Variants in TNFSF4 observed in about 807,000 individuals in gnomAD.
TNFSF4 encodes the protein tumor necrosis factor ligand superfamily member 4.
Under a neutral mutation model 7.3 loss-of-function variants are expected in TNFSF4, and 4 were observed. That is an observed-to-expected ratio of 0.55 (90% CI 0.27 to 1.25). TNFSF4 has a LOEUF of 1.25. Ranked by LOEUF, TNFSF4 falls within the 50% of genes most tolerant of loss-of-function variation. The probability of loss-of-function intolerance (pLI) is 0.12; values close to 1 mark genes in which losing one functional copy is unlikely to be tolerated. For synonymous variants in TNFSF4, 76 were observed against 83.7 expected (o/e 0.91, Z 0.50); for missense variants, 181 against 208.8 (o/e 0.87, Z 0.82).
the TNFSF4 span, among the ~76,000 whole-genome samples, chr1:173,359,510 T>TAAAAAAAAAAAAAAAAA: frequency 8.1e-6 from 1 of 122,748 alleles, no homozygotes; most frequent in African/African-American, 3.2e-5. Flanking sequence ...TTACCAGCTG[T>TAAAAAAAAAAAAAAAAA]AAAAAAAAAA....
chr1:173,173,097 A>C, the TNFSF4 span, among the ~76,000 whole-genome samples: 1 of 152,160 alleles, frequency 6.6e-6, no homozygotes, highest in Non-Finnish European at 1.5e-5. Flanking sequence ...CCATGATCTA[A>C]TCACCTCCCA....
chr1:173,318,029 T>C, the TNFSF4 span, among the ~76,000 whole-genome samples: 1 of 152,128 alleles, frequency 6.6e-6, no homozygotes, highest in Non-Finnish European at 1.5e-5. Flanking sequence ...GGATCACAAA[T>C]CACTGAGAAA....
At chr1:173,390,291 G>C in the TNFSF4 span, among the ~76,000 whole-genome samples, 3 of 152,142 alleles carry the variant, frequency 2.0e-5, no homozygotes, top group African/African-American at 4.8e-5. Context: ...TGCTGCCTTT[G>C]TAGGTCTCTA....
the TNFSF4 span, among the ~76,000 whole-genome samples, chr1:173,433,813 C>CT: frequency 6.6e-6 from 1 of 152,216 alleles, no homozygotes; most frequent in African/African-American, 2.4e-5. Context: ...GAAGTCCTAT[C>CT]TCCCCAGTAC....
the TNFSF4 span, among the ~76,000 whole-genome samples, chr1:173,394,096 T>A: frequency 6.6e-6 from 1 of 151,966 alleles, no homozygotes; most frequent in Admixed American, 6.6e-5. Context: ...AAGCAAAAAA[T>A]TTAAATCCAG....
chr1:173,257,456 G>A, the TNFSF4 span, among the ~76,000 whole-genome samples: 10 of 152,290 alleles, frequency 6.6e-5, no homozygotes, highest in Non-Finnish European at 1.5e-4. Context: ...CACTTCAGGC[G>A]CCAGCTGCAA....
chr1:173,236,416 CAAA>C, the TNFSF4 span, among the ~76,000 whole-genome samples: 1 of 110,100 alleles, frequency 9.1e-6, no homozygotes, highest in African/African-American at 3.2e-5. Context: ...CCAGTTATTT[CAAA>C]AAAAAAAAAA....
At chr1:173,379,636 T>C in the TNFSF4 span, among the ~76,000 whole-genome samples, 2 of 152,108 alleles carry the variant, frequency 1.3e-5, no homozygotes, top group African/African-American at 4.8e-5. Flanking sequence ...CCTGGCAACC[T>C]CAGTGTTCTG....
the TNFSF4 span, among the ~76,000 whole-genome samples, chr1:173,309,383 T>A: frequency 2.6e-5 from 4 of 151,930 alleles, no homozygotes; most frequent in Admixed American, 2.6e-4. Flanking sequence ...GTAAGAAATA[T>A]CCTTTCATAG....
chr1:173,221,971 G>C, the TNFSF4 span, among the ~76,000 whole-genome samples: 3 of 152,124 alleles, frequency 2.0e-5, no homozygotes, highest in African/African-American at 2.4e-5. Flanking sequence ...TTTATGTAAG[G>C]GTTAAGTGAG....
chr1:173,201,013 G>T (rs10489267), intron 1 of TNFSF4, among the ~76,000 whole-genome samples: 15,893 of 152,210 alleles, frequency 0.1, 993 homozygotes, highest in African/African-American at 0.16. Flanking sequence ...GTTATGCCAG[G>T]AATATTCCCC....
chr1:173,428,520 ATTTT>A, the TNFSF4 span, among the ~76,000 whole-genome samples: 4 of 152,204 alleles, frequency 2.6e-5, no homozygotes, highest in Middle Eastern at 3.2e-3. Context: ...TGTGCAGCTG[ATTTT>A]TATCTTAATT....
At chr1:173,378,436 A>G in the TNFSF4 span, among the ~76,000 whole-genome samples, 1 of 152,198 alleles carries the variant, frequency 6.6e-6, no homozygotes, top group South Asian at 2.1e-4. Flanking sequence ...TGTCTTTCAG[A>G]TGGGAAACAC....
At chr1:173,199,106 C>G (rs1238673760) in intron 1 of TNFSF4, among the ~76,000 whole-genome samples, 1 of 152,168 alleles carries the variant, frequency 6.6e-6, no homozygotes. Flanking sequence ...TTATCCAGTG[C>G]TTATCATACG....
At chr1:173,420,741 C>T in the TNFSF4 span, among the ~76,000 whole-genome samples, 2 of 152,006 alleles carry the variant, frequency 1.3e-5, no homozygotes, top group African/African-American at 4.8e-5. Flanking sequence ...TAAAGAAAAC[C>T]TCCCAAGTTG....
the TNFSF4 span, among the ~76,000 whole-genome samples, chr1:173,416,511 C>T: frequency 6.6e-6 from 1 of 152,126 alleles, no homozygotes; most frequent in African/African-American, 2.4e-5. Context: ...CCAACAGGGC[C>T]CAAGGGTCTC....
chr1:173,342,916 C>G, the TNFSF4 span, among the ~76,000 whole-genome samples: 1 of 152,170 alleles, frequency 6.6e-6, no homozygotes, highest in Non-Finnish European at 1.5e-5. Flanking sequence ...TAGTCATTAC[C>G]ACCATCAACA....
At position 173,186,683 on chromosome 1, in the gene TNFSF4, G is replaced by C. The variant is rs566629355; in HGVS notation, c.385C>G (p.Leu129Val). 1.5e-5 allele frequency: 24 copies of C among 1,614,204 alleles called. No individual in the cohort carries two copies. Among genetic ancestry groups the C allele is most frequent in the Non-Finnish European group, 1.9e-5 (23 of 1,180,032 alleles). The change falls in exon 3 of 3, where the codon CTG becomes GTG. Residue 129 changes from leucine to valine, a missense_variant. Coordinates refer to ENST00000281834, the MANE Select transcript of TNFSF4 (RefSeq NM_003326.5). ...GAGTTGACAGACCTGACCTTCTTCA[G>C]TTGGAAGAGGGGCTCCTCATCCTTC... is the stretch of plus-strand genomic sequence containing the variant. ...YQKDEEPLFQ[L>V]KKVRSVNSLM... is the part of the protein sequence containing the mutation.
At chr1:173,410,967 G>C in the TNFSF4 span, among the ~76,000 whole-genome samples, 1 of 152,184 alleles carries the variant, frequency 6.6e-6, no homozygotes, top group South Asian at 2.1e-4. Flanking sequence ...AGTCCTTAAT[G>C]TGTGGTTTTC....
Sources: gnomAD v4.1 joint callset for allele counts (sites outside exome capture counted in the v4.1 genomes callset) on GRCh38, gnomAD v4.1.1 for gene constraint, MANE v1.5 for transcripts, NCBI Gene and HGNC (gene_info 2026-07-23, HGNC 2026-07-21) for gene names.